BEND7: variants seen among roughly 807,000 people sequenced by gnomAD.
The protein encoded by BEND7 is BEN domain containing 7.
A neutral mutation model predicts 50.9 loss-of-function variants in BEND7; 28 were observed. The ratio of observed to expected loss-of-function variants is 0.55; its 90% CI spans 0.41 to 0.75. BEND7 has a LOEUF of 0.75. BEND7 is among the 30% of genes least tolerant of loss of function. The pLI, the probability that BEND7 is intolerant of heterozygous loss-of-function variation, is 0.00. For synonymous variants in BEND7, 170 were observed against 183.9 expected (o/e 0.92, Z 0.61); for missense variants, 477 against 491.3 (o/e 0.97, Z 0.28).
intron 8 of BEND7, chr10:13,444,343 T>C (rs958922523): frequency 2.6e-5 from 4 of 152,222 alleles, no homozygotes; most frequent in Admixed American, 2.0e-4. Flanking sequence ...TTAAATGTAA[T>C]GCATCCAAAC....
chr10:13,477,047 A>G (rs1174377200), intron 6 of BEND7, among the ~76,000 whole-genome samples: 1 of 152,182 alleles, frequency 6.6e-6, no homozygotes, highest in Non-Finnish European at 1.5e-5. Flanking sequence ...GGGAATATTA[A>G]TTACCACTAC....
chr10:13,505,928 C>T (rs528092889), intron 2 of BEND7, among the ~76,000 whole-genome samples: 17 of 152,178 alleles, frequency 1.1e-4, no homozygotes, highest in East Asian at 5.8e-4. Context: ...AAGTCCAGAA[C>T]GCAACACTAA....
intron 6 of BEND7, among the ~76,000 whole-genome samples, chr10:13,458,436 A>G (rs1839511265): frequency 6.6e-6 from 1 of 152,224 alleles, no homozygotes; most frequent in African/African-American, 2.4e-5. Flanking sequence ...GAAAAGAAGA[A>G]TGTGGCATGG....
intron 6 of BEND7, among the ~76,000 whole-genome samples, chr10:13,458,716 T>G (rs1429236200): frequency 6.6e-6 from 1 of 152,222 alleles, no homozygotes; most frequent in African/African-American, 2.4e-5. Context: ...GACAATAGTC[T>G]CTGCTGCCAG....
At chr10:13,469,714 A>T (rs1173431069) in intron 6 of BEND7, among the ~76,000 whole-genome samples, 1 of 152,192 alleles carries the variant, frequency 6.6e-6, no homozygotes, top group Non-Finnish European at 1.5e-5. Flanking sequence ...CGACCTCATG[A>T]TCTGCCCACC....
intron 3 of BEND7, 39 bp downstream of exon 3, chr10:13,499,737 ACC>A: frequency 6.4e-7 from 1 of 1,552,010 alleles, no homozygotes; most frequent in Non-Finnish European, 8.7e-7. Context: ...AACAGTACAA[ACC>A]CCCATGAGAG....
chr10:13,486,734 T>G (rs1290029644), intron 5 of BEND7, among the ~76,000 whole-genome samples: 1 of 152,216 alleles, frequency 6.6e-6, no homozygotes, highest in African/African-American at 2.4e-5. Flanking sequence ...AGAATACAAT[T>G]TGGTCCCTTG....
At chr10:13,440,354 G>C (rs1042699396), downstream of BEND7, among the ~76,000 whole-genome samples, 4 of 152,254 alleles carry the variant, frequency 2.6e-5, no homozygotes, top group Non-Finnish European at 5.9e-5. Context: ...TCCAGCTTCA[G>C]AGCAGCGCGG....
chr10:13,488,825 T>C (rs2076445544), intron 5 of BEND7, among the ~76,000 whole-genome samples: 1 of 152,206 alleles, frequency 6.6e-6, no homozygotes, highest in Non-Finnish European at 1.5e-5. Flanking sequence ...GTTTTGGGTG[T>C]CTGCTTCTGT....
chr10:13,472,262 G>A (rs894237395), intron 6 of BEND7, among the ~76,000 whole-genome samples: 3 of 151,762 alleles, frequency 2.0e-5, no homozygotes, highest in Non-Finnish European at 4.4e-5. Flanking sequence ...ATCCATCATC[G>A]TTGTTAGATT....
chr10:13,521,206 C>T (rs765989752), intron 2 of BEND7, among the ~76,000 whole-genome samples: 7 of 151,868 alleles, frequency 4.6e-5, no homozygotes, highest in African/African-American at 1.5e-4. Flanking sequence ...CTGGGGGTTC[C>T]GCTTGGGAGC....
chr10:13,439,872 C>A (rs1016961860), downstream of BEND7, among the ~76,000 whole-genome samples: 1 of 152,270 alleles, frequency 6.6e-6, no homozygotes, highest in Non-Finnish European at 1.5e-5. Context: ...CTCGGCATGG[C>A]GCAAGGCTAG....
chr10:13,529,312 C>G (rs1289311250), upstream of BEND7, among the ~76,000 whole-genome samples: 20 of 151,774 alleles, frequency 1.3e-4, no homozygotes, highest in East Asian at 2.8e-3. Flanking sequence ...CGAGCTAACT[C>G]CGTGCACCTC....
rs1419931913 is a variant in BEND7, at chr10:13,492,629, C to A, written c.819G>T (p.Leu273=). The part of the protein sequence containing the change: ...ESRVLGFGIV[L]ESPSSDPEVQ... ...AACTTACATCTGAGGAAGGTGATTC[C>A]AGAACAATGCCGAATCCTAGAACGC... The change falls in exon 5 of 9, where the codon CTG becomes CTT. Residue 273 remains leucine, a synonymous_variant. Transcript: ENST00000466271. The A allele has an allele frequency of 1.2e-6, 2 of 1,613,826 alleles. No homozygotes were observed. Among genetic ancestry groups the A allele is most frequent in the East Asian group, 4.5e-5 (2 of 44,904 alleles).
chr10:13,520,244 G>C (rs113447603), intron 2 of BEND7, among the ~76,000 whole-genome samples: 1 of 151,760 alleles, frequency 6.6e-6, no homozygotes, highest in African/African-American at 2.4e-5. Context: ...GATAAAGTTC[G>C]GAAGTGCCCA....
intron 6 of BEND7, among the ~76,000 whole-genome samples, chr10:13,478,439 A>G (rs2075616439): frequency 6.6e-6 from 1 of 152,248 alleles, no homozygotes; most frequent in South Asian, 2.1e-4. Flanking sequence ...TAATAAAAAC[A>G]TATTTAAGAC....
chr10:13,455,360 T>G (rs914798439), intron 6 of BEND7, among the ~76,000 whole-genome samples: 3 of 144,162 alleles, frequency 2.1e-5, no homozygotes, highest in African/African-American at 2.6e-5. Context: ...GCAGGAGGGG[T>G]GGGGAGAGTG....
chr10:13,524,461 G>A (rs897311964), intron 2 of BEND7, among the ~76,000 whole-genome samples: 1 of 151,956 alleles, frequency 6.6e-6, no homozygotes, highest in African/African-American at 2.4e-5. Flanking sequence ...TGGCCAACAT[G>A]GTAAAACTCT....
chr10:13,456,829 T>G (rs1839079995), intron 6 of BEND7, among the ~76,000 whole-genome samples: 1 of 152,236 alleles, frequency 6.6e-6, no homozygotes, highest in Admixed American at 6.5e-5. Context: ...GCTTACAAAT[T>G]TAGGCTAATT....
Sources: gnomAD v4.1 joint callset for allele counts (sites outside exome capture counted in the v4.1 genomes callset) on GRCh38, gnomAD v4.1.1 for gene constraint, MANE v1.5 for transcripts, NCBI Gene and HGNC (gene_info 2026-07-23, HGNC 2026-07-21) for gene names.